The following UTP4 variants were observed in gnomAD, a reference collection of about 807,000 sequenced individuals.
UTP4 encodes U3 small nucleolar RNA-associated protein 4 homolog.
A neutral mutation model predicts 82.4 loss-of-function variants in UTP4; 45 were observed. The ratio of observed to expected loss-of-function variants is 0.55; its 90% CI spans 0.43 to 0.70. The LOEUF is 0.70. Ranked by LOEUF, UTP4 falls within the 30% of genes least tolerant of loss-of-function variation. UTP4 has a pLI of 0.00. For missense variants in UTP4, 819 were observed against 858.3 expected (o/e 0.95, Z 0.57); for synonymous variants, 348 against 300.3 (o/e 1.16, Z -1.64).
At chr16:69,147,320 A>G (rs1301890198) in intron 6 of UTP4, among the ~76,000 whole-genome samples, 1 of 151,824 alleles carries the variant, frequency 6.6e-6, no homozygotes, top group Non-Finnish European at 1.5e-5. Flanking sequence ...CCTGGGCAAC[A>G]TGGTGAAACT....
At chr16:69,154,806 G>A (rs988059872) in intron 10 of UTP4, among the ~76,000 whole-genome samples, 5 of 151,776 alleles carry the variant, frequency 3.3e-5, no homozygotes, top group Admixed American at 6.6e-5. Context: ...TCAGCTCACC[G>A]AAACCTCCGC....
At chr16:69,136,992 C>T in intron 3 of UTP4, 105 bp downstream of exon 3, 1 of 944,162 alleles carries the variant, frequency 1.1e-6, no homozygotes, top group Non-Finnish European at 1.7e-6. Context: ...TGGCATGTGG[C>T]AACCCCAACT....
intron 1 of UTP4, chr16:69,133,090 GC>G (rs1962685117): frequency 3.2e-6 from 1 of 309,252 alleles, no homozygotes; most frequent in East Asian, 9.0e-5. Context: ...GCTCGGTTCT[GC>G]CTGCCCCATC....
In UTP4 at chr16:69,145,149, C is replaced by CAAT. The variant is rs917951120; in HGVS notation, c.738+1779_738+1781dup. 9.4e-4 allele frequency among the ~76,000 whole-genome samples: 142 copies of CAAT among 151,056 alleles called. No individual in the cohort carries two copies. The East Asian group carries it at 0.011, about 12-fold the overall frequency. On this transcript the variant is annotated intron_variant, in intron 6 of 16. Coordinates refer to ENST00000314423, the MANE Select transcript of UTP4 (RefSeq NM_032830.3). ...AAAAGCAGGACTCCATCTCAAATAA[C>CAAT]AATAATAATAATAATAATAATGATT...
In UTP4 at chr16:69,163,151, C is replaced by G; in HGVS notation, c.1620C>G (p.Asn540Lys). 3 of 1,613,990 alleles carry G rather than the reference C, an allele frequency of 1.9e-6. No individual in the cohort carries two copies. Among genetic ancestry groups the G allele is most frequent in the Non-Finnish European group, 2.5e-6 (3 of 1,179,868 alleles). ...TGGCTATTGCCCCCAATACCAACAA[C>G]CTTGTCATCGCTCATTCGGACCAGC... ...TAMAIAPNTN[N>K]LVIAHSDQQV... Residue 540 changes from asparagine (N) to lysine (K), a missense_variant, in exon 14 of 17, where the codon AAC (asparagine) becomes AAG (lysine). By Grantham distance (94) the Asn-to-Lys change is moderately conservative. Transcript: ENST00000314423.
chr16:69,144,310 T>C (rs1398123996), intron 6 of UTP4, among the ~76,000 whole-genome samples: 1 of 152,168 alleles, frequency 6.6e-6, no homozygotes, highest in African/African-American at 2.4e-5. Context: ...CAATTTCTCC[T>C]GCCTCAGCCT....
Position 69,147,972 on chromosome 16 carries a change from G to A in UTP4, c.739-2565G>A, listed in dbSNP as rs191668595. Among the ~76,000 whole-genome samples, 6 of 151,880 alleles carry A rather than the reference G, an allele frequency of 4.0e-5. No homozygotes were observed. In the South Asian group the frequency reaches 8.3e-4, roughly 21 times the overall value. ...GTTTTGTTTGTTTGTTTTGTTTTTC[G>A]AGACGGAATCTTGCTCTGTCGCCTA... On this transcript the variant is annotated intron_variant, in intron 6 of 16. Coordinates refer to ENST00000314423, the MANE Select transcript of UTP4 (RefSeq NM_032830.3).
chr16:69,136,701 C>T lies in UTP4; in HGVS notation c.165C>T (p.Phe55=), dbSNP rs1962822587. 1.9e-6 allele frequency: 3 copies of T among 1,613,810 alleles called. No individual in the cohort carries two copies. The highest frequency in any genetic ancestry group is 1.3e-5 in the African/African-American group (1 of 74,880). ...AAGTTATGGTGTTTCTGCAGTTTTT[C>T]CCAGGTCATGAGTCTCGGGCTACAG... The part of the protein sequence containing the change: ...LSANYFQEKF[F]PGHESRATEA... The change falls in exon 3 of 17, where the codon TTC becomes TTT. Residue 55 remains phenylalanine, a synonymous_variant. Transcript: ENST00000314423.
At chr16:69,145,117 G>C (rs991054201) in intron 6 of UTP4, among the ~76,000 whole-genome samples, 1 of 151,838 alleles carries the variant, frequency 6.6e-6, no homozygotes, top group Admixed American at 6.6e-5. Context: ...CCTCCAGCCT[G>C]GGCGACAAAA....
At chr16:69,159,997 A>C (rs1226627605) in intron 12 of UTP4, among the ~76,000 whole-genome samples, 1 of 151,804 alleles carries the variant, frequency 6.6e-6, no homozygotes, top group Non-Finnish European at 1.5e-5. Flanking sequence ...AAAAAAAAAA[A>C]CAAAAAACAG....
In UTP4 at chr16:69,141,244, A is replaced by G. The variant is rs571353355; in HGVS notation, c.526+1330A>G. Among the ~76,000 whole-genome samples the G allele has an allele frequency of 2.0e-3, 307 of 152,120 alleles. 2 individuals carry two copies. The South Asian group carries it at 0.024, about 12-fold the overall frequency. On this transcript the variant is annotated intron_variant, in intron 5 of 16. Coordinates refer to ENST00000314423, the MANE Select transcript of UTP4 (RefSeq NM_032830.3). Reference sequence around the variant, plus strand: ...ATCTGAAACTCTGATTGATTTTTCCATTGTTCTCGGGATCTCCTTTGCTTC... The same window carrying G: ...ATCTGAAACTCTGATTGATTTTTCCGTTGTTCTCGGGATCTCCTTTGCTTC...
At chr16:69,136,353 T>C (rs998906162) in intron 2 of UTP4, among the ~76,000 whole-genome samples, 1 of 152,186 alleles carries the variant, frequency 6.6e-6, no homozygotes, top group African/African-American at 2.4e-5. Flanking sequence ...TCAGCCTCCG[T>C]AGTAGCTGGG....
intron 3 of UTP4, 54 bp from the exon 4 acceptor site, chr16:69,137,747 C>G: frequency 1.1e-6 from 1 of 941,438 alleles, no homozygotes; most frequent in Non-Finnish European, 1.8e-6. Context: ...TGTGTTTAGT[C>G]CTATAAAATG....
chr16:69,150,965 C>A lies in UTP4; in HGVS notation c.1002+61C>A, dbSNP rs1438992075. 8.5e-6 allele frequency: 11 copies of A among 1,297,996 alleles called. No individual in the cohort carries two copies. In the African/African-American group the frequency reaches 1.5e-4, roughly 17 times the overall value. The allele number at this position is 1,297,996 out of a possible 1,614,324, so 80.4% of individuals were successfully genotyped here. A position where few individuals can be genotyped will look rare whatever the true frequency, so the allele number is the denominator to read the frequency against. On this transcript the variant is annotated intron_variant, in intron 8 of 16. Coordinates refer to ENST00000314423, the MANE Select transcript of UTP4 (RefSeq NM_032830.3). ...TCTCCCCATCCCTGTGTCCCCCTGTCCCACAAGCTCTGAACACAGCTCACG... is the reference window on the plus strand; with the variant it reads ...TCTCCCCATCCCTGTGTCCCCCTGTACCACAAGCTCTGAACACAGCTCACG...
chr16:69,134,702 CTTTTTTT>C (rs751705922), intron 2 of UTP4, among the ~76,000 whole-genome samples: 60 of 131,508 alleles, frequency 4.6e-4, no homozygotes, highest in African/African-American at 1.1e-3. Flanking sequence ...TTTTCTTTTT[CTTTTTTT>C]TTTTTTTTTT....
intron 2 of UTP4, among the ~76,000 whole-genome samples, chr16:69,134,249 T>G (rs1012840125): frequency 6.6e-6 from 1 of 152,002 alleles, no homozygotes; most frequent in Admixed American, 6.6e-5. Context: ...CTGGGTGCTG[T>G]GATATAAATG....
chr16:69,155,328 C>A (rs1190012980), intron 10 of UTP4, among the ~76,000 whole-genome samples: 4 of 152,072 alleles, frequency 2.6e-5, no homozygotes, highest in Admixed American at 6.6e-5. Context: ...TGTGCACCAC[C>A]ATGCCCGGCT....
At position 69,143,256 on chromosome 16, in the gene UTP4, CCTT is replaced by C. The variant is rs1567602847; in HGVS notation, c.609_611del (p.Phe203del). The C allele has an allele frequency of 6.2e-7, 1 of 1,614,188 alleles. No homozygotes were observed. Among genetic ancestry groups the C allele is most frequent in the Non-Finnish European group, 8.5e-7 (1 of 1,180,038 alleles). Reference sequence around the variant, plus strand: ...CGGAAGTGCATCGTGTGGGGTGTCGCCTTCTTGTCCGATGGCACTATCATAAGT... The same window carrying C: ...CGGAAGTGCATCGTGTGGGGTGTCGCCTTGTCCGATGGCACTATCATAAGT... On this transcript the variant is annotated inframe_deletion, in exon 6 of 17. Transcript: ENST00000314423.
At chr16:69,149,760 G>T (rs929772530) in intron 6 of UTP4, among the ~76,000 whole-genome samples, 1 of 151,410 alleles carries the variant, frequency 6.6e-6, no homozygotes, top group Middle Eastern at 3.4e-3. Context: ...CCAGAGTCTC[G>T]CCCTGTTGCC....
Sources: gnomAD v4.1 joint callset for allele counts (sites outside exome capture counted in the v4.1 genomes callset) on GRCh38, gnomAD v4.1.1 for gene constraint, MANE v1.5 for transcripts, NCBI Gene and HGNC (gene_info 2026-07-23, HGNC 2026-07-21) for gene names.